Variants in ALCAM observed in about 807,000 individuals in gnomAD.
ALCAM encodes CD166 antigen.
A neutral mutation model predicts 70.9 loss-of-function variants in ALCAM; 30 were observed. The ratio of observed to expected loss-of-function variants is 0.42; its 90% CI spans 0.32 to 0.57. ALCAM has a LOEUF of 0.57. Ranked by LOEUF, ALCAM falls within the 20% of genes least tolerant of loss-of-function variation. The probability of loss-of-function intolerance (pLI) is 0.11; values close to 1 mark genes in which losing one functional copy is unlikely to be tolerated. For synonymous variants in ALCAM, 249 were observed against 242.5 expected (o/e 1.03, Z -0.25); for missense variants, 591 against 695.1 (o/e 0.85, Z 1.68).
intron 1 of ALCAM, among the ~76,000 whole-genome samples, chr3:105,383,338 C>T (rs1275947992): frequency 2.0e-5 from 3 of 151,718 alleles, no homozygotes; most frequent in Admixed American, 6.6e-5. Flanking sequence ...ATACATGGTA[C>T]ATTTTCGGTA....
chr3:105,449,544 G>A (rs1369358664), intron 1 of ALCAM, among the ~76,000 whole-genome samples: 3 of 152,076 alleles, frequency 2.0e-5, no homozygotes, highest in Non-Finnish European at 4.4e-5. Context: ...TGATTAGATG[G>A]CTTCAATGTT....
chr3:105,524,220 T>C (rs1343895504), intron 2 of ALCAM, 69 bp from the exon 3 acceptor site: 2 of 1,312,418 alleles, frequency 1.5e-6, no homozygotes, highest in Non-Finnish European at 2.1e-6. Context: ...AAGGAAATGT[T>C]ATTTTGAATG....
intron 1 of ALCAM, among the ~76,000 whole-genome samples, chr3:105,436,647 A>G (rs577987985): frequency 6.6e-6 from 1 of 152,334 alleles, no homozygotes; most frequent in East Asian, 1.9e-4. Context: ...TAGTTCTAGC[A>G]AAAGTTCTTC....
intron 1 of ALCAM, among the ~76,000 whole-genome samples, chr3:105,466,164 G>T (rs990576299): frequency 1.3e-5 from 2 of 151,414 alleles, no homozygotes; most frequent in African/African-American, 4.8e-5. Flanking sequence ...CCATGATTAT[G>T]TCTTCTTAAC....
At chr3:105,464,225 T>C (rs1937652865) in intron 1 of ALCAM, among the ~76,000 whole-genome samples, 1 of 151,360 alleles carries the variant, frequency 6.6e-6, no homozygotes, top group African/African-American at 2.4e-5. Flanking sequence ...TCAAGGAATT[T>C]TTGACTATGA....
chr3:105,500,268 T>C (rs564850656), intron 1 of ALCAM, among the ~76,000 whole-genome samples: 8 of 152,240 alleles, frequency 5.3e-5, no homozygotes, highest in South Asian at 4.1e-4. Context: ...CTGCCTGCCT[T>C]CTTCTTCCTT....
At chr3:105,478,384 G>A (rs2152606520) in intron 1 of ALCAM, among the ~76,000 whole-genome samples, 1 of 152,160 alleles carries the variant, frequency 6.6e-6, no homozygotes, top group South Asian at 2.1e-4. Context: ...TTTATGCATT[G>A]CCTCTATAGT....
intron 1 of ALCAM, among the ~76,000 whole-genome samples, chr3:105,377,426 A>G (rs958756929): frequency 6.6e-6 from 1 of 152,122 alleles, no homozygotes; most frequent in East Asian, 1.9e-4. Flanking sequence ...TTACTGCTCA[A>G]AGAGTACACA....
At chr3:105,419,485 C>A (rs1936590758) in intron 1 of ALCAM, among the ~76,000 whole-genome samples, 1 of 151,826 alleles carries the variant, frequency 6.6e-6, no homozygotes, top group African/African-American at 2.4e-5. Flanking sequence ...GGCTAAACTG[C>A]ATTCACCTTG....
chr3:105,537,398 C>G (rs549182199), intron 6 of ALCAM, among the ~76,000 whole-genome samples: 23 of 152,206 alleles, frequency 1.5e-4, no homozygotes, highest in African/African-American at 5.3e-4. Context: ...AAATATTTTT[C>G]TAAAACACAA....
At chr3:105,512,020 A>G (rs1046537905) in intron 1 of ALCAM, among the ~76,000 whole-genome samples, 4 of 152,012 alleles carry the variant, frequency 2.6e-5, no homozygotes, top group South Asian at 2.1e-4. Context: ...CATGTAAGCT[A>G]TTATTAACAG....
At chr3:105,432,166 G>C (rs532791132) in intron 1 of ALCAM, among the ~76,000 whole-genome samples, 3 of 152,210 alleles carry the variant, frequency 2.0e-5, no homozygotes, top group East Asian at 3.9e-4. Flanking sequence ...CTTTCAAATA[G>C]AGTTATTGAC....
intron 14 of ALCAM, among the ~76,000 whole-genome samples, chr3:105,568,053 A>ATTT (rs1175221243): frequency 5.9e-5 from 6 of 101,888 alleles, no homozygotes; most frequent in African/African-American, 1.1e-4. Flanking sequence ...TTATTATTTT[A>ATTT]TTTTATTTTA....
At chr3:105,524,729 T>C in intron 3 of ALCAM, 2 of 1,297,486 alleles carry the variant, frequency 1.5e-6, no homozygotes, top group South Asian at 4.6e-5. Context: ...TAAAATAATA[T>C]TCTCTGTTAC....
intron 1 of ALCAM, among the ~76,000 whole-genome samples, chr3:105,459,582 G>A (rs1937576469): frequency 6.6e-6 from 1 of 151,908 alleles, no homozygotes; most frequent in African/African-American, 2.4e-5. Context: ...TTGCAAAATT[G>A]CCTTCTACCT....
intron 1 of ALCAM, among the ~76,000 whole-genome samples, chr3:105,444,262 G>T (rs2152586311): frequency 6.6e-6 from 1 of 152,258 alleles, no homozygotes; most frequent in East Asian, 1.9e-4. Context: ...AGATTTAATG[G>T]ACTCACAGTT....
chr3:105,555,502 T>C (rs1424631775), intron 14 of ALCAM, among the ~76,000 whole-genome samples: 1 of 152,016 alleles, frequency 6.6e-6, no homozygotes, highest in Non-Finnish European at 1.5e-5. Context: ...AGATTCATAA[T>C]AAGATCTTTC....
chr3:105,555,227 A>G (rs899630692), intron 14 of ALCAM, among the ~76,000 whole-genome samples: 1 of 151,992 alleles, frequency 6.6e-6, no homozygotes, highest in African/African-American at 2.4e-5. Flanking sequence ...CCTGATCTGA[A>G]CATTCATCTA....
intron 1 of ALCAM, among the ~76,000 whole-genome samples, chr3:105,405,698 A>C (rs964759456): frequency 6.6e-6 from 1 of 152,194 alleles, no homozygotes; most frequent in African/African-American, 2.4e-5. Context: ...AAATTATATC[A>C]TGTACTCTCT....
Sources: gnomAD v4.1 joint callset for allele counts (sites outside exome capture counted in the v4.1 genomes callset) on GRCh38, gnomAD v4.1.1 for gene constraint, MANE v1.5 for transcripts, NCBI Gene and HGNC (gene_info 2026-07-23, HGNC 2026-07-21) for gene names.